Variants in NIM1K observed in about 807,000 individuals in gnomAD.
NIM1K encodes serine/threonine-protein kinase NIM1.
NIM1K carries 35 observed loss-of-function variants against 37.1 expected under a neutral mutation model. That is an observed-to-expected ratio of 0.94 (90% confidence interval 0.72 to 1.25). NIM1K has a LOEUF of 1.25. Among genes scored for constraint, NIM1K ranks in the 50% most tolerant of loss-of-function variants. The pLI is 0.00. For synonymous variants in NIM1K, 234 were observed against 206.6 expected, an observed-to-expected ratio of 1.13 and a Z score of -1.14; for missense variants, 564 against 548.0, an observed-to-expected ratio of 1.03 and a Z score of -0.29.
At position 43,280,468 on chromosome 5, in the gene NIM1K, C is replaced by T; in HGVS notation, c.1050C>T (p.Leu350=). Residue 350 remains leucine (L), a synonymous_variant, in exon 4 of 4, where the codon CTC becomes CTT. Transcript: ENST00000326035. ...AACATTTGTCGGAAACCAGCACTCT[C>T]AAGGAAGAAGAAAATGAGGTCAAAA... ...DPKHLSETST[L]KEEENEVKST... 1.9e-6 allele frequency: 3 copies of T among 1,614,142 alleles called. No homozygotes were observed. The highest frequency in any genetic ancestry group is 2.5e-6 in the Non-Finnish European group (3 of 1,180,020).
rs762608520 is a variant in NIM1K at position 43,245,912 on chromosome 5, C to T, written c.137C>T (p.Thr46Met). 191 of 1,613,984 alleles carry T rather than the reference C, an allele frequency of 1.2e-4. No homozygotes were observed. The highest frequency in any genetic ancestry group is 1.4e-4 in the Non-Finnish European group (164 of 1,180,020). Residue 46 changes from threonine to methionine, a missense_variant, in exon 2 of 4, where the codon ACG (threonine) becomes ATG (methionine). Thr to Met is a moderately conservative substitution (Grantham distance 81). Transcript: ENST00000326035. ...EGEEGQPRQL[T>M]PFEKLTQDMS... ...GAGGAGGGACAGCCCCGCCAGCTGA[C>T]GCCCTTCGAGAAACTGACACAGGAC...
chr5:43,198,857 G>C (rs1206227058), intron 1 of NIM1K, among the ~76,000 whole-genome samples: 2 of 152,214 alleles, frequency 1.3e-5, no homozygotes, highest in Middle Eastern at 3.4e-3. Flanking sequence ...GAGGATAATA[G>C]CAGGCACCTT....
intron 1 of NIM1K, among the ~76,000 whole-genome samples, chr5:43,225,260 C>A (rs1579965607): frequency 2.1e-4 from 15 of 72,708 alleles, no homozygotes; most frequent in East Asian, 1.9e-3. Flanking sequence ...ACCCTCTTTC[C>A]AAAAAAAAAA....
chr5:43,253,020 C>T (rs1343440433), intron 2 of NIM1K, among the ~76,000 whole-genome samples: 5 of 148,262 alleles, frequency 3.4e-5, no homozygotes, highest in Non-Finnish European at 5.9e-5. Flanking sequence ...CTTCATTGCC[C>T]AGGCTGGAGT....
intron 2 of NIM1K, among the ~76,000 whole-genome samples, chr5:43,254,349 C>T (rs906438243): frequency 1.3e-5 from 2 of 152,052 alleles, no homozygotes; most frequent in Non-Finnish European, 2.9e-5. Context: ...ATATGGAATT[C>T]ATGAAATGAA....
intron 1 of NIM1K, among the ~76,000 whole-genome samples, chr5:43,244,622 A>T (rs577544824): frequency 5.3e-5 from 8 of 152,246 alleles, no homozygotes; most frequent in Non-Finnish European, 1.2e-4. Flanking sequence ...ATAAAATGAC[A>T]TAGGAAGAAA....
rs199557453 is a variant in NIM1K at position 43,238,399 on chromosome 5, AT to A, written c.-694-6673del. Among the ~76,000 whole-genome samples, 21 of 149,302 alleles carry A rather than the reference AT, an allele frequency of 1.4e-4. No individual in the cohort carries two copies. The South Asian group carries it at 1.7e-3, about 12-fold the overall frequency. ...TTCTTGTTGTCTGAATTGTCTTTGA[AT>A]TTTTTTTTTGTTTTTAGCATTTGTT... is the stretch of plus-strand genomic sequence containing the variant. On this transcript the variant is annotated intron_variant, in intron 1 of 3. Coordinates refer to ENST00000326035, the MANE Select transcript of NIM1K (RefSeq NM_153361.4).
At chr5:43,215,990 G>A (rs557780457) in intron 1 of NIM1K, among the ~76,000 whole-genome samples, 3 of 152,082 alleles carry the variant, frequency 2.0e-5, no homozygotes, top group South Asian at 4.2e-4. Flanking sequence ...TACATCACTG[G>A]GGATGCAGGC....
intron 1 of NIM1K, among the ~76,000 whole-genome samples, chr5:43,216,770 T>A (rs1181086892): frequency 6.6e-6 from 1 of 152,138 alleles, no homozygotes; most frequent in Non-Finnish European, 1.5e-5. Flanking sequence ...TTGTTGAGAA[T>A]GTAAGCTGGC....
chr5:43,192,446 C>G (rs1373028836), intron 1 of NIM1K, 35 bp downstream of exon 1: 2 of 152,322 alleles, frequency 1.3e-5, no homozygotes, highest in African/African-American at 4.8e-5. Context: ...CCGCCAGCAC[C>G]CCCACCCCGC....
rs139902961 is a variant in NIM1K, at chr5:43,265,591, T to G, written c.293-11466T>G. On this transcript the variant is annotated intron_variant, in intron 2 of 3. Coordinates refer to ENST00000326035, the MANE Select transcript of NIM1K (RefSeq NM_153361.4). Reference sequence around the variant, plus strand: ...CCTCCTTTAGCTTGGAGAAGTTTGTTATTACCAATTGTCTGGAGCCTTCTT... The same window carrying G: ...CCTCCTTTAGCTTGGAGAAGTTTGTGATTACCAATTGTCTGGAGCCTTCTT... 3.0e-3 allele frequency among the ~76,000 whole-genome samples: 453 copies of G among 152,332 alleles called. 1 individual carries two copies. Among genetic ancestry groups the G allele is most frequent in the African/African-American group, 0.011 (438 of 41,576 alleles).
chr5:43,232,379 A>G, intron 1 of NIM1K: 1 of 1,388,498 alleles, frequency 7.2e-7, no homozygotes, highest in South Asian at 1.2e-5. Context: ...ACGGAAGTGG[A>G]TGGGGGGATA....
intron 2 of NIM1K, among the ~76,000 whole-genome samples, chr5:43,276,219 A>T (rs1753337836): frequency 6.6e-6 from 1 of 152,166 alleles, no homozygotes; most frequent in Non-Finnish European, 1.5e-5. Flanking sequence ...TAAGAAAAAA[A>T]GGTTTTATTA....
chr5:43,261,305 T>G (rs532800525), intron 2 of NIM1K, among the ~76,000 whole-genome samples: 1 of 152,022 alleles, frequency 6.6e-6, no homozygotes, highest in African/African-American at 2.4e-5. Context: ...TTGCCATAAC[T>G]AGTATGAGAT....
chr5:43,235,544 A>G lies in NIM1K; in HGVS notation c.-694-9538A>G, dbSNP rs1004966314. On this transcript the variant is annotated intron_variant, in intron 1 of 3. Transcript: ENST00000326035. The stretch of plus-strand genomic sequence containing the variant: ...AACTATCTATTTTCTGTTTCATTCT[A>G]TACTGAATTGTTTTCATAATCTTCC... Among the ~76,000 whole-genome samples, 6 of 152,190 alleles carry G rather than the reference A, an allele frequency of 3.9e-5. No homozygotes were observed. In the South Asian group the frequency reaches 1.0e-3, roughly 26 times the overall value.
chr5:43,266,390 G>A (rs943867468), intron 2 of NIM1K, among the ~76,000 whole-genome samples: 17 of 152,220 alleles, frequency 1.1e-4, no homozygotes, highest in Admixed American at 1.1e-3. Context: ...AGCAGTGAGT[G>A]AGGCTCCATG....
intron 1 of NIM1K, among the ~76,000 whole-genome samples, chr5:43,194,259 G>T (rs114602722): frequency 4.1e-4 from 63 of 152,276 alleles, no homozygotes; most frequent in African/African-American, 1.3e-3. Context: ...ATGTAGGGGG[G>T]GATTCCTGCG....
At chr5:43,197,032 C>G (rs1227082308) in intron 1 of NIM1K, among the ~76,000 whole-genome samples, 11 of 147,610 alleles carry the variant, frequency 7.5e-5, no homozygotes, top group Non-Finnish European at 1.6e-4. Context: ...GCAATCCTCT[C>G]ACTTTGGCCT....
intron 1 of NIM1K, among the ~76,000 whole-genome samples, chr5:43,217,888 T>A (rs1489903931): frequency 6.6e-6 from 1 of 152,052 alleles, no homozygotes; most frequent in Non-Finnish European, 1.5e-5. Context: ...ATTTTTGTAT[T>A]TTTAGTGGAG....
Sources: allele counts gnomAD v4.1 joint callset (sites outside exome capture counted in the v4.1 genomes callset), GRCh38; gene constraint gnomAD v4.1.1; transcripts MANE v1.5; gene names NCBI Gene and HGNC (gene_info 2026-07-23, HGNC 2026-07-21).